SLC5A1: variants seen among roughly 807,000 people sequenced by gnomAD.
SLC5A1 encodes solute carrier family 5 member 1, also known as sodium/glucose cotransporter 1.
A neutral mutation model predicts 73.5 loss-of-function variants in SLC5A1; 42 were observed. The observed-to-expected ratio is 0.57, with a 90% CI of 0.45 to 0.74. SLC5A1 has a LOEUF of 0.74. SLC5A1 is among the 30% of genes least tolerant of loss of function. The pLI is 0.00. For synonymous variants in SLC5A1, 300 were observed against 317.4 expected (o/e 0.95, Z 0.58); for missense variants, 634 against 855.4 (o/e 0.74, Z 3.23).
intron 1 of SLC5A1, among the ~76,000 whole-genome samples, chr22:32,047,988 CT>C (rs925578180): frequency 2.0e-5 from 3 of 151,910 alleles, no homozygotes; most frequent in African/African-American, 7.3e-5. Context: ...TGGCAAAACC[CT>C]GTCTCTACAA....
intron 5 of SLC5A1, among the ~76,000 whole-genome samples, chr22:32,077,411 C>T (rs2093992855): frequency 1.3e-5 from 2 of 151,058 alleles, no homozygotes; most frequent in Admixed American, 6.6e-5. Flanking sequence ...CCTTTCCTTT[C>T]CCTCCCTCCA....
intron 5 of SLC5A1, among the ~76,000 whole-genome samples, chr22:32,071,656 G>A (rs146480306): frequency 3.4e-4 from 51 of 152,050 alleles, no homozygotes; most frequent in African/African-American, 1.2e-3. Context: ...TGGTGATCTC[G>A]TTGCCTATGA....
Position 32,091,680 on chromosome 22 carries a change from A to C in SLC5A1, c.1198A>C (p.Ser400Arg). The C allele has an allele frequency of 6.2e-7, 1 of 1,614,016 alleles. No individual in the cohort carries two copies. Among genetic ancestry groups the C allele is most frequent in the Non-Finnish European group, 8.5e-7 (1 of 1,179,954 alleles). Residue 400 changes from serine (S) to arginine (R), a missense_variant, in exon 11 of 15, where the codon AGC (serine) becomes CGC (arginine). Physicochemically the swap from Ser to Arg is moderately radical, Grantham distance 110. Coordinates refer to ENST00000266088, the MANE Select transcript of SLC5A1 (RefSeq NM_000343.4). ...GAGCTCCCTGACCTCCATCTTCAACAGCGCCAGCACCCTCTTCACCATGGA... is the reference window on the plus strand; with the variant it reads ...GAGCTCCCTGACCTCCATCTTCAACCGCGCCAGCACCCTCTTCACCATGGA... Reference protein sequence around the residue: ...LMSSLTSIFNSASTLFTMDIY... With the variant: ...LMSSLTSIFNRASTLFTMDIY...
At chr22:32,061,034 T>C (rs1049661047) in intron 2 of SLC5A1, among the ~76,000 whole-genome samples, 1 of 152,162 alleles carries the variant, frequency 6.6e-6, no homozygotes, top group African/African-American at 2.4e-5. Context: ...ATTACTCTGA[T>C]TTCAATAGGT....
intron 8 of SLC5A1, 24 bp downstream of exon 8, chr22:32,084,683 T>C: frequency 6.2e-7 from 1 of 1,600,238 alleles, no homozygotes; most frequent in Non-Finnish European, 8.6e-7. Context: ...ATGTGCGGGA[T>C]GGACAGAGTC....
chr22:32,091,645 C>T lies in SLC5A1; in HGVS notation c.1163C>T (p.Ala388Val). 1.9e-6 allele frequency: 3 copies of T among 1,614,122 alleles called. No individual in the cohort carries two copies. Among genetic ancestry groups the T allele is most frequent in the Non-Finnish European group, 2.5e-6 (3 of 1,179,998 alleles). The change falls in exon 11 of 15, where the codon GCC becomes GTC. Residue 388 changes from alanine (A) to valine (V), a missense_variant. Coordinates refer to ENST00000266088, the MANE Select transcript of SLC5A1 (RefSeq NM_000343.4). Reference protein sequence around the residue: ...LRGLMLSVMLASLMSSLTSIF... With the variant: ...LRGLMLSVMLVSLMSSLTSIF... ...GGCCTGATGCTATCAGTCATGCTGG[C>T]CTCCCTCATGAGCTCCCTGACCTCC...
intron 2 of SLC5A1, among the ~76,000 whole-genome samples, chr22:32,052,919 G>GT (rs1171796666): frequency 1.3e-5 from 2 of 152,160 alleles, no homozygotes; most frequent in East Asian, 3.8e-4. Context: ...ATAGACAGTG[G>GT]TAAGAATTCA....
chr22:32,047,461 A>AT (rs2093938670), intron 1 of SLC5A1, among the ~76,000 whole-genome samples: 1 of 149,956 alleles, frequency 6.7e-6, no homozygotes, highest in Non-Finnish European at 1.5e-5. Flanking sequence ...GTCCTTGGGA[A>AT]TTTTTTCTGT....
chr22:32,073,761 G>A (rs2093986463), intron 5 of SLC5A1, among the ~76,000 whole-genome samples: 1 of 152,116 alleles, frequency 6.6e-6, no homozygotes, highest in Non-Finnish European at 1.5e-5. Context: ...GTTTTACCAT[G>A]TTGGCCAAGC....
intron 2 of SLC5A1, among the ~76,000 whole-genome samples, chr22:32,064,032 G>GAGA (rs1360705200): frequency 1.3e-5 from 2 of 152,150 alleles, no homozygotes; most frequent in Non-Finnish European, 2.9e-5. Context: ...AGAGATATTG[G>GAGA]AGAGGACTTT....
At chr22:32,109,511 G>A (rs2094052395) in intron 14 of SLC5A1, among the ~76,000 whole-genome samples, 1 of 152,178 alleles carries the variant, frequency 6.6e-6, no homozygotes, top group Admixed American at 6.5e-5. Context: ...CACCTGGCTG[G>A]GTCTGTTGTG....
At chr22:32,099,103 AAAATATATAT>A (rs1202236371) in intron 11 of SLC5A1, 70 bp from the exon 12 acceptor site, 430 of 80,684 alleles carry the variant, frequency 5.3e-3, no homozygotes, top group Non-Finnish European at 7.1e-3. Context: ...AAAAAAAAAA[AAAATATATAT>A]ATATATATAT....
rs2094054119 is a variant in SLC5A1 at position 32,110,277 on chromosome 22, C to T, written c.*64C>T. 7.6e-7 allele frequency: 1 copy of T among 1,310,924 alleles called. No homozygotes were observed. Among genetic ancestry groups the T allele is most frequent in the South Asian group, 1.2e-5 (1 of 83,774 alleles). 81.2% of individuals were successfully genotyped at this position (1,310,924 alleles called of 1,614,324 possible). A position where few individuals can be genotyped will look rare whatever the true frequency, so the allele number is the denominator to read the frequency against. On this transcript the variant is annotated 3_prime_UTR_variant, in exon 15 of 15. Coordinates refer to ENST00000266088, the MANE Select transcript of SLC5A1 (RefSeq NM_000343.4). ...TTACTCACCTTCCTTTAGTCTCGTC[C>T]TGTGGTGTTGAAGGGAAATCAGCCA...
intron 5 of SLC5A1, among the ~76,000 whole-genome samples, chr22:32,068,945 G>A (rs912878880): frequency 6.6e-6 from 1 of 152,122 alleles, no homozygotes; most frequent in Non-Finnish European, 1.5e-5. Context: ...TAAATATATC[G>A]AAGAGGTATC....
intron 11 of SLC5A1, among the ~76,000 whole-genome samples, chr22:32,098,412 C>T (rs2094029861): frequency 6.6e-6 from 1 of 152,206 alleles, no homozygotes; most frequent in Non-Finnish European, 1.5e-5. Flanking sequence ...TTATTCCCAC[C>T]TTGCAAGGTC....
At chr22:32,082,165 G>A (rs2094001072) in intron 6 of SLC5A1, among the ~76,000 whole-genome samples, 194 bp downstream of exon 6, 1 of 152,160 alleles carries the variant, frequency 6.6e-6, no homozygotes, top group Non-Finnish European at 1.5e-5. Context: ...AGAAAGCTGT[G>A]GTGTTGGCTG....
chr22:32,075,070 C>CTTTTTTTTTTTT, intron 5 of SLC5A1, among the ~76,000 whole-genome samples: 1 of 107,682 alleles, frequency 9.3e-6, no homozygotes, highest in Non-Finnish European at 2.0e-5. Context: ...CTATTTTTTA[C>CTTTTTTTTTTTT]TTTTTTTTTT....
chr22:32,084,869 CA>C, intron 8 of SLC5A1, 30 bp from the exon 9 acceptor site: 1 of 1,613,414 alleles, frequency 6.2e-7, no homozygotes, highest in Non-Finnish European at 8.5e-7. Context: ...CTCTGGTCTG[CA>C]CACCTCCCTT....
At chr22:32,074,409 A>G (rs997449201) in intron 5 of SLC5A1, among the ~76,000 whole-genome samples, 2 of 152,040 alleles carry the variant, frequency 1.3e-5, no homozygotes, top group Non-Finnish European at 1.5e-5. Context: ...CGCTTTTTCT[A>G]AATTTGGCTT....
Sources: gnomAD v4.1 joint callset for allele counts (sites outside exome capture counted in the v4.1 genomes callset) on GRCh38, gnomAD v4.1.1 for gene constraint, MANE v1.5 for transcripts, NCBI Gene and HGNC (gene_info 2026-07-23, HGNC 2026-07-21) for gene names.